RFT1: variants seen among roughly 807,000 people sequenced by gnomAD.
RFT1 encodes man(5)GlcNAc(2)-PP-dolichol translocation protein RFT1.
Under a neutral mutation model 62.2 loss-of-function variants are expected in RFT1, and 43 were observed. The ratio of observed to expected loss-of-function variants is 0.69; its 90% CI spans 0.54 to 0.89. The LOEUF (loss-of-function observed/expected upper bound fraction) is 0.89, where lower values mean the gene tolerates loss of function less well. Ranked by LOEUF, RFT1 falls within the 40% of genes least tolerant of loss-of-function variation. RFT1 has a pLI of 0.00. For synonymous variants in RFT1, 262 were observed against 264.6 expected, an observed-to-expected ratio of 0.99 and a Z score of 0.10; for missense variants, 605 against 649.9, an observed-to-expected ratio of 0.93 and a Z score of 0.75.
At chr3:53,106,954 C>T (rs1701495264) in intron 7 of RFT1, 85 bp from the exon 8 acceptor site, 1 of 996,668 alleles carries the variant, frequency 1.0e-6, no homozygotes, top group Non-Finnish European at 1.6e-6. Flanking sequence ...ATCAACTTTT[C>T]CAGCTGACAA....
At position 53,099,361 on chromosome 3, in the gene RFT1, G is replaced by A. The variant is rs1701244022; in HGVS notation, c.1208+20C>T. The A allele has an allele frequency of 6.3e-7, 1 of 1,586,460 alleles. No homozygotes were observed. The highest frequency in any genetic ancestry group is 1.7e-5 in the Admixed American group (1 of 59,976). On this transcript the variant is annotated intron_variant, in intron 11 of 12. Coordinates refer to ENST00000296292, the MANE Select transcript of RFT1 (RefSeq NM_052859.4). Reference sequence around the variant, plus strand: ...TTGGCTGAAGGCCATGATTAAAGGTGTACCTGCTAGGTTACCCACCTGTCG... The same window carrying A: ...TTGGCTGAAGGCCATGATTAAAGGTATACCTGCTAGGTTACCCACCTGTCG...
the RFT1 span, among the ~76,000 whole-genome samples, chr3:53,074,799 C>T: frequency 0.016 from 2,382 of 152,262 alleles, 45 homozygotes; most frequent in East Asian, 0.09. Flanking sequence ...ACATCCATGG[C>T]CAAGCTCAAG....
chr3:53,087,788 T>G (rs1022858099), downstream of RFT1, among the ~76,000 whole-genome samples: 14 of 152,204 alleles, frequency 9.2e-5, no homozygotes, highest in African/African-American at 3.4e-4. Flanking sequence ...CCGAAAGTGT[T>G]GAGATTATAG....
intron 10 of RFT1, among the ~76,000 whole-genome samples, chr3:53,101,699 C>T (rs571496642): frequency 1.3e-5 from 2 of 152,246 alleles, no homozygotes; most frequent in African/African-American, 4.8e-5. Flanking sequence ...AAAATGAGGT[C>T]ATTAGGGCAG....
rs766557798 is a variant in RFT1, at chr3:53,122,505, C to G, written c.325G>C (p.Glu109Gln). The G allele has an allele frequency of 3.1e-6, 5 of 1,613,894 alleles. No individual in the cohort carries two copies. Among genetic ancestry groups the G allele is most frequent in the South Asian group, 1.1e-5 (1 of 91,070 alleles). Residue 109 changes from glutamate (E) to glutamine (Q), a missense_variant, in exon 4 of 13, where the codon GAA becomes CAA. Glu to Gln is a conservative substitution (Grantham distance 29). Coordinates refer to ENST00000296292, the MANE Select transcript of RFT1 (RefSeq NM_052859.4). ...FLGWIWLQLL[E>Q]VPDPNVVPHY... ...GGGACAACATTAGGATCAGGCACTT[C>G]AAGCAGCTGCAACCAGATCCAGCCC...
chr3:53,094,917 C>G (rs1445312211), intron 11 of RFT1, among the ~76,000 whole-genome samples: 1 of 152,056 alleles, frequency 6.6e-6, no homozygotes, highest in Non-Finnish European at 1.5e-5. Flanking sequence ...AAATCTACAG[C>G]CTTAAAGGCA....
chr3:53,094,801 G>A (rs1701095645), intron 11 of RFT1, among the ~76,000 whole-genome samples: 1 of 151,656 alleles, frequency 6.6e-6, no homozygotes, highest in Non-Finnish European at 1.5e-5. Context: ...AGACGCATTC[G>A]ACAGCACAGC....
intron 1 of RFT1, among the ~76,000 whole-genome samples, 167 bp downstream of exon 1, chr3:53,130,171 T>TC (rs993113402): frequency 1.3e-4 from 19 of 151,642 alleles, no homozygotes; most frequent in African/African-American, 4.6e-4. Flanking sequence ...CGGGCCAGGG[T>TC]CCCCCCTCAT....
rs372822382 is a variant in RFT1, at chr3:53,092,472, C to T, written c.1355G>A (p.Arg452His). The T allele has an allele frequency of 5.6e-6, 9 of 1,612,248 alleles. No homozygotes were observed. Among genetic ancestry groups the T allele is most frequent in the South Asian group, 3.3e-5 (3 of 90,388 alleles). ...CCTGTGGGGGCTCCTTCGGTAGTAG[C>T]GGTGGATGAAGCAAAGGCTCTGCGT... ...RITQSLCFIH[R>H]YYRRSPHRPL... Residue 452 changes from arginine to histidine, a missense_variant, in exon 12 of 13, where the codon CGC becomes CAC. Arg to His is a conservative substitution (Grantham distance 29, BLOSUM62 0). Transcript: ENST00000296292.
chr3:53,106,852 T>C lies in RFT1; in HGVS notation c.793A>G (p.Thr265Ala). Reference protein sequence around the residue: ...ILTEGERYVMTFLNVLNFGDQ... With the variant: ...ILTEGERYVMAFLNVLNFGDQ... ...CCAAAGTTCAATACATTCAAAAATGTCATCACATATCGCTCGCCTATAAAC... is the reference window on the plus strand; with the variant it reads ...CCAAAGTTCAATACATTCAAAAATGCCATCACATATCGCTCGCCTATAAAC... Residue 265 changes from threonine (T) to alanine (A), a missense_variant, in exon 8 of 13, where the codon ACA becomes GCA. By Grantham distance (58) the Thr-to-Ala change is moderately conservative (BLOSUM62 0). Coordinates refer to ENST00000296292, the MANE Select transcript of RFT1 (RefSeq NM_052859.4). The C allele has an allele frequency of 1.2e-6, 2 of 1,613,308 alleles. No individual in the cohort carries two copies. Among genetic ancestry groups the C allele is most frequent in the Non-Finnish European group, 1.7e-6 (2 of 1,179,338 alleles).
intron 10 of RFT1, among the ~76,000 whole-genome samples, chr3:53,102,126 C>T (rs547373745): frequency 2.0e-5 from 3 of 152,028 alleles, no homozygotes; most frequent in South Asian, 4.2e-4. Context: ...GGGATGATGA[C>T]GTGAAGACAG....
chr3:53,098,780 C>T (rs899703378), intron 11 of RFT1, among the ~76,000 whole-genome samples: 10 of 110,788 alleles, frequency 9.0e-5, no homozygotes, highest in East Asian at 3.2e-4. Flanking sequence ...CAAGCCTGGG[C>T]GACAGAGCGA....
chr3:53,092,251 G>A, intron 12 of RFT1, 118 bp downstream of exon 12: 1 of 1,456,708 alleles, frequency 6.9e-7, no homozygotes, highest in South Asian at 1.2e-5. Context: ...AGAAGATGCT[G>A]CCCTAGAGGC....
intron 11 of RFT1, among the ~76,000 whole-genome samples, chr3:53,095,474 G>A (rs983002427): frequency 6.6e-6 from 1 of 152,176 alleles, no homozygotes; most frequent in Non-Finnish European, 1.5e-5. Context: ...GCATTTGGGA[G>A]GCTAAGGCAG....
the RFT1 span, among the ~76,000 whole-genome samples, chr3:53,067,246 G>T: frequency 2.2e-4 from 33 of 152,214 alleles, no homozygotes; most frequent in Admixed American, 3.9e-4. Context: ...CAACTTGGGA[G>T]GCTGAGGTGG....
the RFT1 span, among the ~76,000 whole-genome samples, chr3:53,075,206 A>G: frequency 6.6e-6 from 1 of 152,164 alleles, no homozygotes; most frequent in African/African-American, 2.4e-5. Flanking sequence ...TGGTGTTGCC[A>G]TGACAACCAC....
At chr3:53,094,537 T>G (rs562922070) in intron 11 of RFT1, among the ~76,000 whole-genome samples, 2 of 152,036 alleles carry the variant, frequency 1.3e-5, no homozygotes, top group African/African-American at 4.8e-5. Flanking sequence ...TCACTACTAA[T>G]CAGTGATCAG....
chr3:53,082,068 T>A, the RFT1 span, among the ~76,000 whole-genome samples: 20 of 152,086 alleles, frequency 1.3e-4, no homozygotes, highest in Non-Finnish European at 2.5e-4. Context: ...CTCAGCCTCC[T>A]GAGTAGCTGG....
chr3:53,126,253 A>T lies in RFT1; in HGVS notation c.64-259T>A, dbSNP rs114317830. Among the ~76,000 whole-genome samples, 39,973 of 152,040 alleles carry T rather than the reference A, an allele frequency of 0.26. 5,639 individuals carry two copies. Among genetic ancestry groups the T allele is most frequent in the Middle Eastern group, 0.4 (117 of 294 alleles). ...AAGGCTCCCTAATTTATTAATAACA[A>T]CCAAGAGGCCCCAATAGACTCACTG... On this transcript the variant is annotated intron_variant, in intron 1 of 12. Coordinates refer to ENST00000296292, the MANE Select transcript of RFT1 (RefSeq NM_052859.4).
Sources: allele counts gnomAD v4.1 joint callset (sites outside exome capture counted in the v4.1 genomes callset), GRCh38; gene constraint gnomAD v4.1.1; transcripts MANE v1.5; gene names NCBI Gene and HGNC (gene_info 2026-07-23, HGNC 2026-07-21).